Variants in PHF24 observed in about 807,000 individuals in gnomAD.
PHF24 encodes the protein PHD finger protein 24.
In PHF24, 25 loss-of-function variants were observed where a neutral mutation model predicts 42.6. The observed-to-expected ratio is 0.59, with a 90% CI of 0.43 to 0.82. PHF24 has a LOEUF of 0.82. Ranked by LOEUF, PHF24 falls within the 40% of genes least tolerant of loss-of-function variation. The probability of loss-of-function intolerance (pLI) is 0.00; values close to 1 mark genes in which losing one functional copy is unlikely to be tolerated. For synonymous variants in PHF24, 185 were observed against 204.8 expected, an observed-to-expected ratio of 0.90 and a Z score of 0.83; for missense variants, 470 against 538.1, an observed-to-expected ratio of 0.87 and a Z score of 1.25.
the PHF24 span, among the ~76,000 whole-genome samples, chr9:34,703,606 AG>A: frequency 1.3e-5 from 2 of 151,748 alleles, no homozygotes; most frequent in African/African-American, 4.8e-5. Context: ...TCCTGAAGGG[AG>A]GGGTTCTTAA....
the PHF24 span, among the ~76,000 whole-genome samples, chr9:34,682,921 T>A: frequency 6.6e-6 from 1 of 152,336 alleles, no homozygotes; most frequent in African/African-American, 2.4e-5. Flanking sequence ...GCTGACCACC[T>A]AACACTGGTG....
At chr9:34,731,871 G>A in the PHF24 span, among the ~76,000 whole-genome samples, 1 of 151,424 alleles carries the variant, frequency 6.6e-6, no homozygotes, top group African/African-American at 2.4e-5. Context: ...TCTTTTTTTG[G>A]ACAGGTTTTT....
chr9:34,734,767 C>G, the PHF24 span, among the ~76,000 whole-genome samples: 1 of 152,166 alleles, frequency 6.6e-6, no homozygotes, highest in Non-Finnish European at 1.5e-5. Context: ...CAGCCCCTGT[C>G]TAAAACTGAA....
chr9:34,829,779 A>T, the PHF24 span, among the ~76,000 whole-genome samples: 1 of 152,204 alleles, frequency 6.6e-6, no homozygotes, highest in African/African-American at 2.4e-5. Context: ...AGTCAGTAAA[A>T]ATAGAGGAAA....
At chr9:34,726,831 A>G in the PHF24 span, 2 of 1,551,832 alleles carry the variant, frequency 1.3e-6, no homozygotes, top group Non-Finnish European at 1.7e-6. Context: ...TCTAGGCAAG[A>G]GGAGCCCTGC....
At chr9:34,669,106 G>T in the PHF24 span, among the ~76,000 whole-genome samples, 1 of 152,268 alleles carries the variant, frequency 6.6e-6, no homozygotes, top group East Asian at 1.9e-4. Flanking sequence ...CACCTTACAC[G>T]TATTGATTGA....
the PHF24 span, among the ~76,000 whole-genome samples, chr9:34,948,002 G>A: frequency 6.6e-4 from 100 of 151,870 alleles, 2 homozygotes; most frequent in South Asian, 0.02. Context: ...CCAGCTACTC[G>A]GGAGGCTGAG....
the PHF24 span, among the ~76,000 whole-genome samples, chr9:34,831,849 G>T: frequency 6.6e-6 from 1 of 152,160 alleles, no homozygotes; most frequent in Non-Finnish European, 1.5e-5. Context: ...CTCCAAGATG[G>T]ATTTTCTAGA....
chr9:34,961,384 A>G (rs188182898), intron 1 of PHF24, among the ~76,000 whole-genome samples: 114 of 152,326 alleles, frequency 7.5e-4, no homozygotes, highest in South Asian at 1.2e-3. Context: ...AGCTGAAGAC[A>G]TGATTATTTT....
chr9:34,840,994 T>A, the PHF24 span, among the ~76,000 whole-genome samples: 1,291 of 152,086 alleles, frequency 8.5e-3, 22 homozygotes, highest in African/African-American at 0.028. Flanking sequence ...ACACTTCTTT[T>A]TTTTATTTTA....
chr9:34,960,045 G>A (rs1826535408), intron 1 of PHF24, among the ~76,000 whole-genome samples: 1 of 152,224 alleles, frequency 6.6e-6, no homozygotes, highest in South Asian at 2.1e-4. Context: ...GTTAGGGGGA[G>A]CGCAAAGGGT....
the PHF24 span, among the ~76,000 whole-genome samples, chr9:34,702,519 T>C: frequency 6.6e-6 from 1 of 152,374 alleles, no homozygotes; most frequent in African/African-American, 2.4e-5. Context: ...TGGGGTGTTT[T>C]AGTTTGCTGC....
At chr9:34,848,411 A>G in the PHF24 span, among the ~76,000 whole-genome samples, 7 of 151,510 alleles carry the variant, frequency 4.6e-5, no homozygotes, top group Non-Finnish European at 1.5e-5. Context: ...GTGTTCTCTG[A>G]TGGTAGTTTG....
chr9:34,754,299 C>T, the PHF24 span, among the ~76,000 whole-genome samples: 1 of 152,158 alleles, frequency 6.6e-6, no homozygotes, highest in Non-Finnish European at 1.5e-5. Flanking sequence ...GACAAGAGCT[C>T]TGGAATATAT....
the PHF24 span, among the ~76,000 whole-genome samples, chr9:34,830,548 G>A: frequency 1.2e-3 from 176 of 152,268 alleles, 1 homozygote; most frequent in African/African-American, 4.0e-3. Context: ...TTAGAGGTTC[G>A]AAGGAATATG....
At chr9:34,934,657 G>A in the PHF24 span, among the ~76,000 whole-genome samples, 1 of 152,094 alleles carries the variant, frequency 6.6e-6, no homozygotes, top group Admixed American at 6.5e-5. Flanking sequence ...ACCTGGAGAA[G>A]TATACAGACC....
chr9:34,861,338 C>G, the PHF24 span, among the ~76,000 whole-genome samples: 1,452 of 152,276 alleles, frequency 9.5e-3, 16 homozygotes, highest in Non-Finnish European at 0.014. Context: ...TACTTTAGAC[C>G]TAGATAAGGG....
At chr9:34,768,975 A>C in the PHF24 span, among the ~76,000 whole-genome samples, 1 of 152,146 alleles carries the variant, frequency 6.6e-6, no homozygotes, top group Admixed American at 6.6e-5. Context: ...GAAATAAAAA[A>C]CTTTTGTGTA....
chr9:34,811,836 C>A, the PHF24 span, among the ~76,000 whole-genome samples: 1 of 151,768 alleles, frequency 6.6e-6, no homozygotes, highest in African/African-American at 2.4e-5. Flanking sequence ...AAAAGAATAC[C>A]ATAAAGAAAG....
Sources: allele counts gnomAD v4.1 joint callset (sites outside exome capture counted in the v4.1 genomes callset), GRCh38; gene constraint gnomAD v4.1.1; transcripts MANE v1.5; gene names NCBI Gene and HGNC (gene_info 2026-07-23, HGNC 2026-07-21).